MARCHF1: variants seen among roughly 807,000 people sequenced by gnomAD.
The protein encoded by MARCHF1 is E3 ubiquitin-protein ligase MARCHF1.
MARCHF1 carries 40 observed loss-of-function variants against 54.2 expected under a neutral mutation model. That is an observed-to-expected ratio of 0.74 (90% CI 0.57 to 0.96). MARCHF1 has a LOEUF of 0.96. Ranked by LOEUF, MARCHF1 falls within the 40% of genes least tolerant of loss-of-function variation. The pLI is 0.00. For missense variants in MARCHF1, 586 were observed against 656.5 expected, an observed-to-expected ratio of 0.89 and a Z score of 1.17; for synonymous variants, 236 against 236.3, an observed-to-expected ratio of 1.00 and a Z score of 0.01.
chr4:163,722,377 G>A (rs1745501642), intron 4 of MARCHF1, among the ~76,000 whole-genome samples: 1 of 152,164 alleles, frequency 6.6e-6, no homozygotes, highest in African/African-American at 2.4e-5. Context: ...TAGTTTGATT[G>A]CACTGTGGTC....
At chr4:163,651,765 G>A (rs1327702423) in intron 5 of MARCHF1, among the ~76,000 whole-genome samples, 1 of 150,020 alleles carries the variant, frequency 6.7e-6, no homozygotes, top group Non-Finnish European at 1.5e-5. Flanking sequence ...TTCCTCCTTA[G>A]TCTCAAAGTC....
intron 2 of MARCHF1, among the ~76,000 whole-genome samples, chr4:164,006,776 C>A (rs879519418): frequency 4.6e-5 from 7 of 151,768 alleles, no homozygotes; most frequent in Non-Finnish European, 1.0e-4. Context: ...TTTCTGGAGA[C>A]TTCTCAACAG....
chr4:164,341,045 T>C (rs570965892), intron 1 of MARCHF1, among the ~76,000 whole-genome samples: 11 of 152,176 alleles, frequency 7.2e-5, no homozygotes, highest in African/African-American at 2.4e-4. Flanking sequence ...GCAAGTAGAA[T>C]TTATCCCTGG....
chr4:164,221,800 T>C (rs963357040), intron 1 of MARCHF1, among the ~76,000 whole-genome samples: 5 of 152,030 alleles, frequency 3.3e-5, no homozygotes, highest in African/African-American at 1.2e-4. Flanking sequence ...AGGGTTATGA[T>C]AGCCAGCTGA....
At chr4:163,759,007 T>G (rs1385915731) in intron 4 of MARCHF1, among the ~76,000 whole-genome samples, 1 of 152,142 alleles carries the variant, frequency 6.6e-6, no homozygotes, top group Non-Finnish European at 1.5e-5. Context: ...TCCCGTTATA[T>G]CTTGAAAAGA....
In MARCHF1 at chr4:163,911,039, C is replaced by A. The variant is rs180790206; in HGVS notation, c.-38-56870G>T. Among the ~76,000 whole-genome samples, 16 of 152,218 alleles carry A rather than the reference C, an allele frequency of 1.1e-4. No individual in the cohort carries two copies. In the East Asian group the frequency reaches 2.7e-3, roughly 26 times the overall value. ...GGGAAAATGTCATTTTCCCTTACTT[C>A]ATGTTTTCATGTGGAGAATTTTTTA... On this transcript the variant is annotated intron_variant, in intron 3 of 9. Transcript: ENST00000514618.
At chr4:164,006,223 G>A (rs367973858) in intron 2 of MARCHF1, among the ~76,000 whole-genome samples, 1 of 152,140 alleles carries the variant, frequency 6.6e-6, no homozygotes, top group East Asian at 1.9e-4. Flanking sequence ...AGATAACACA[G>A]TAAAGCAATT....
chr4:164,154,787 A>C (rs938906757), intron 1 of MARCHF1, among the ~76,000 whole-genome samples: 6 of 152,162 alleles, frequency 3.9e-5, no homozygotes, highest in African/African-American at 1.4e-4. Context: ...CCTTTTTGCA[A>C]GGGCAGGGGA....
chr4:164,131,985 T>C (rs1756309678), intron 1 of MARCHF1, among the ~76,000 whole-genome samples: 1 of 152,158 alleles, frequency 6.6e-6, no homozygotes, highest in Non-Finnish European at 1.5e-5. Context: ...AAATAAAAAC[T>C]TGAATTACTA....
intron 3 of MARCHF1, among the ~76,000 whole-genome samples, chr4:163,924,333 C>T (rs1654283350): frequency 6.6e-6 from 1 of 151,954 alleles, no homozygotes; most frequent in South Asian, 2.1e-4. Context: ...GAAGAACAGA[C>T]TTTACAAGTG....
chr4:164,083,140 G>T (rs1045456412), intron 2 of MARCHF1, among the ~76,000 whole-genome samples: 2 of 152,104 alleles, frequency 1.3e-5, no homozygotes, highest in African/African-American at 2.4e-5. Flanking sequence ...GGAAACAAAA[G>T]TAGTTGCTAA....
chr4:163,735,713 G>A (rs1746015354), intron 4 of MARCHF1, among the ~76,000 whole-genome samples: 1 of 152,050 alleles, frequency 6.6e-6, no homozygotes, highest in Admixed American at 6.6e-5. Flanking sequence ...TGAATTTTAG[G>A]GGGCCACATT....
At chr4:163,870,764 CAT>C in intron 3 of MARCHF1, among the ~76,000 whole-genome samples, 1 of 152,190 alleles carries the variant, frequency 6.6e-6, no homozygotes, top group Admixed American at 6.5e-5. Context: ...TGTTCTCACT[CAT>C]ATGTGAAAGT....
chr4:163,693,892 C>T lies in MARCHF1; in HGVS notation c.162+6921G>A, dbSNP rs183585679. On this transcript the variant is annotated intron_variant, in intron 5 of 9. Coordinates refer to ENST00000514618, the MANE Select transcript of MARCHF1 (RefSeq NM_001394959.1). The stretch of plus-strand genomic sequence containing the variant: ...GCGGAAATCCACTGTTGCATATTTT[C>T]GTTTACCCACACCCAGGTTTAACTT... 1.3e-4 allele frequency among the ~76,000 whole-genome samples: 20 copies of T among 152,256 alleles called. No homozygotes were observed. The East Asian group carries it at 2.9e-3, about 22-fold the overall frequency.
chr4:164,236,371 C>CA (rs1732560055), intron 1 of MARCHF1, among the ~76,000 whole-genome samples: 1 of 152,072 alleles, frequency 6.6e-6, no homozygotes, highest in Non-Finnish European at 1.5e-5. Flanking sequence ...TCATAGCCAG[C>CA]AGGACTCATG....
chr4:164,373,478 C>G (rs1043747479), intron 1 of MARCHF1, among the ~76,000 whole-genome samples: 4 of 151,248 alleles, frequency 2.6e-5, no homozygotes, highest in Non-Finnish European at 5.9e-5. Context: ...CCTCAGCCTC[C>G]CCAGTAGCTA....
chr4:164,056,627 TAGA>T, intron 2 of MARCHF1, among the ~76,000 whole-genome samples: 1 of 152,284 alleles, frequency 6.6e-6, no homozygotes, highest in East Asian at 1.9e-4. Context: ...ATAGATTGGG[TAGA>T]AGAACTCATT....
At chr4:164,232,649 T>C (rs899966434) in intron 1 of MARCHF1, among the ~76,000 whole-genome samples, 4 of 152,210 alleles carry the variant, frequency 2.6e-5, no homozygotes, top group Admixed American at 6.5e-5. Context: ...TCATAAATAA[T>C]TGCTTAATGT....
chr4:163,599,085 T>C (rs1213163053), intron 7 of MARCHF1, among the ~76,000 whole-genome samples: 1 of 151,784 alleles, frequency 6.6e-6, no homozygotes, highest in African/African-American at 2.4e-5. Flanking sequence ...GGTCAGGAGT[T>C]CAAGCCAGCC....
Sources: allele counts gnomAD v4.1 joint callset (sites outside exome capture counted in the v4.1 genomes callset), GRCh38; gene constraint gnomAD v4.1.1; transcripts MANE v1.5; gene names NCBI Gene and HGNC (gene_info 2026-07-23, HGNC 2026-07-21).